HHLA2: variants seen among roughly 807,000 people sequenced by gnomAD.
The protein encoded by HHLA2 is HERV-H LTR-associating protein 2.
In HHLA2, 48 loss-of-function variants were observed where a neutral mutation model predicts 45.9. The ratio of observed to expected loss-of-function variants is 1.05; its 90% CI spans 0.83 to 1.33. The LOEUF is 1.33. HHLA2 is among the 40% of genes most tolerant of loss of function. HHLA2 has a pLI of 0.00. For synonymous variants in HHLA2, 161 were observed against 173.9 expected (o/e 0.93, Z 0.59); for missense variants, 462 against 494.3 (o/e 0.93, Z 0.62).
At chr3:108,297,541 TA>T (rs1576080000) in intron 1 of HHLA2, among the ~76,000 whole-genome samples, 4 of 152,242 alleles carry the variant, frequency 2.6e-5, no homozygotes, top group Non-Finnish European at 5.9e-5. Flanking sequence ...CTGTGAAGAT[TA>T]AATGAAATTT....
intron 2 of HHLA2, among the ~76,000 whole-genome samples, chr3:108,317,059 A>G (rs1210022400): frequency 6.6e-6 from 1 of 152,208 alleles, no homozygotes; most frequent in Non-Finnish European, 1.5e-5. Flanking sequence ...TACTAGGCTC[A>G]TGGGGTAAAT....
At chr3:108,316,499 G>T (rs914290618) in intron 2 of HHLA2, among the ~76,000 whole-genome samples, 1 of 152,140 alleles carries the variant, frequency 6.6e-6, no homozygotes, top group African/African-American at 2.4e-5. Context: ...CCCAGTCTAA[G>T]ACCTGAAAGA....
At chr3:108,325,380 T>A (rs547582561) in intron 2 of HHLA2, 3 of 296,030 alleles carry the variant, frequency 1.0e-5, no homozygotes, top group South Asian at 6.9e-5. Flanking sequence ...AAATGTGTCA[T>A]CTTTGTAGCA....
chr3:108,365,952 G>A lies in HHLA2; in HGVS notation c.1108+3506G>A, dbSNP rs111761883. On this transcript the variant is annotated intron_variant, in intron 8 of 10. Coordinates refer to ENST00000619531, the Ensembl canonical transcript of HHLA2. ...AAACAGAGACAATTTGACTTCCTCC[G>A]TTCCTATTTGAATACTCTATTTATG... Among the ~76,000 whole-genome samples, 268 of 152,126 alleles carry A rather than the reference G, an allele frequency of 1.8e-3. 2 individuals carry two copies. Among genetic ancestry groups the A allele is most frequent in the African/African-American group, 6.1e-3 (255 of 41,514 alleles).
intron 3 of HHLA2, among the ~76,000 whole-genome samples, chr3:108,349,535 A>G (rs2085406): frequency 0.67 from 102,316 of 151,590 alleles, 35,378 homozygotes; most frequent in African/African-American, 0.77. Flanking sequence ...CCAGGACCAG[A>G]TGGATTCACA....
chr3:108,345,875 G>A (rs536456427), intron 3 of HHLA2, among the ~76,000 whole-genome samples: 1 of 152,280 alleles, frequency 6.6e-6, no homozygotes, highest in African/African-American at 2.4e-5. Context: ...CCACTGGGGG[G>A]CAACTTATAG....
chr3:108,369,670 G>A (rs922560806), intron 8 of HHLA2, among the ~76,000 whole-genome samples: 7 of 152,208 alleles, frequency 4.6e-5, no homozygotes, highest in African/African-American at 1.7e-4. Flanking sequence ...ATTATATCCT[G>A]TGCATGACTC....
chr3:108,317,988 C>T (rs1013542371), intron 2 of HHLA2, among the ~76,000 whole-genome samples: 2 of 151,908 alleles, frequency 1.3e-5, no homozygotes, highest in Admixed American at 1.3e-4. Flanking sequence ...TCGAGACCAG[C>T]CTCACCAACA....
At chr3:108,301,146 T>C (rs761789521) in intron 1 of HHLA2, among the ~76,000 whole-genome samples, 1 of 152,118 alleles carries the variant, frequency 6.6e-6, no homozygotes, top group African/African-American at 2.4e-5. Context: ...TCCAAACCAA[T>C]GTTCCCTATT....
At chr3:108,352,530 G>A (rs996508927) in intron 4 of HHLA2, among the ~76,000 whole-genome samples, 1 of 152,130 alleles carries the variant, frequency 6.6e-6, no homozygotes, top group African/African-American at 2.4e-5. Flanking sequence ...CAAAAAATAA[G>A]GTCCTTTCCA....
At chr3:108,296,917 T>A (rs887337196) in intron 1 of HHLA2, among the ~76,000 whole-genome samples, 3 of 152,200 alleles carry the variant, frequency 2.0e-5, no homozygotes, top group Admixed American at 2.0e-4. Flanking sequence ...ATCTGCGAAC[T>A]TTAAAAAAAT....
At chr3:108,361,245 A>T (rs146914416) in intron 7 of HHLA2, among the ~76,000 whole-genome samples, 28 of 152,238 alleles carry the variant, frequency 1.8e-4, no homozygotes, top group African/African-American at 6.5e-4. Flanking sequence ...TGAAATTTTT[A>T]AAAGGAAAAT....
chr3:108,340,397 T>A (rs1390126063), intron 3 of HHLA2, among the ~76,000 whole-genome samples: 3 of 152,210 alleles, frequency 2.0e-5, no homozygotes, highest in African/African-American at 7.2e-5. Context: ...ATTCTATAAA[T>A]CGCTCAGCAT....
intron 1 of HHLA2, among the ~76,000 whole-genome samples, chr3:108,306,286 G>C (rs2080927823): frequency 6.6e-6 from 1 of 152,162 alleles, no homozygotes; most frequent in African/African-American, 2.4e-5. Context: ...GCTTCTTGTA[G>C]AACGTGATTA....
intron 3 of HHLA2, among the ~76,000 whole-genome samples, chr3:108,341,172 C>T (rs1465247527): frequency 6.6e-6 from 1 of 151,876 alleles, no homozygotes; most frequent in Non-Finnish European, 1.5e-5. Flanking sequence ...AGGCTGGTGT[C>T]GAACTGCTGA....
chr3:108,299,616 C>G (rs2080818770), intron 1 of HHLA2, among the ~76,000 whole-genome samples: 1 of 152,062 alleles, frequency 6.6e-6, no homozygotes, highest in African/African-American at 2.4e-5. Flanking sequence ...GTAAAAGTAA[C>G]TAGTTTTGGA....
At chr3:108,351,465 C>T (rs1336468706) in intron 3 of HHLA2, among the ~76,000 whole-genome samples, 1 of 152,182 alleles carries the variant, frequency 6.6e-6, no homozygotes, top group Non-Finnish European at 1.5e-5. Flanking sequence ...GTTTCAGCAC[C>T]TGTTAATAGC....
At chr3:108,365,588 G>T (rs933485166) in intron 8 of HHLA2, among the ~76,000 whole-genome samples, 1 of 152,204 alleles carries the variant, frequency 6.6e-6, no homozygotes, top group African/African-American at 2.4e-5. Flanking sequence ...ACTTTGGGCA[G>T]TATGGCCATT....
At chr3:108,309,758 G>A (rs1180861694) in intron 1 of HHLA2, among the ~76,000 whole-genome samples, 1 of 152,052 alleles carries the variant, frequency 6.6e-6, no homozygotes, top group Non-Finnish European at 1.5e-5. Flanking sequence ...AGTAATGTCT[G>A]TCAGGGTTTT....
Sources: gnomAD v4.1 joint callset for allele counts (sites outside exome capture counted in the v4.1 genomes callset) on GRCh38, gnomAD v4.1.1 for gene constraint, MANE v1.5 for transcripts, NCBI Gene and HGNC (gene_info 2026-07-23, HGNC 2026-07-21) for gene names.